The following C14orf39 variants were observed in gnomAD, a reference collection of about 807,000 sequenced individuals.
C14orf39 encodes the protein chromosome 14 open reading frame 39, also known as protein SIX6OS1.
A neutral mutation model predicts 85.6 loss-of-function variants in C14orf39; 66 were observed. The ratio of observed to expected loss-of-function variants is 0.77; its 90% CI spans 0.63 to 0.95. The LOEUF (loss-of-function observed/expected upper bound fraction) is 0.95, where lower values mean the gene tolerates loss of function less well. C14orf39 is among the 40% of genes least tolerant of loss of function. The pLI is 0.00. For missense variants in C14orf39, 735 were observed against 663.9 expected (o/e 1.11, Z -1.18); for synonymous variants, 242 against 214.0 (o/e 1.13, Z -1.14).
chr14:60,465,476 T>C (rs535904010), intron 11 of C14orf39, among the ~76,000 whole-genome samples: 1 of 152,262 alleles, frequency 6.6e-6, no homozygotes, highest in South Asian at 2.1e-4. Flanking sequence ...GAGACAGTCA[T>C]TCCATTGCTG....
chr14:60,460,785 T>A (rs1056875764), intron 13 of C14orf39, among the ~76,000 whole-genome samples: 7 of 151,724 alleles, frequency 4.6e-5, no homozygotes, highest in African/African-American at 1.5e-4. Context: ...CATATATATA[T>A]CCTGTGATCC....
At chr14:60,478,260 C>T in intron 5 of C14orf39, 40 bp downstream of exon 5, 1 of 962,366 alleles carries the variant, frequency 1.0e-6, no homozygotes. Flanking sequence ...CCTAATAATA[C>T]AAACTTATAG....
At chr14:60,506,474 C>T (rs2140185145) in intron 1 of C14orf39, among the ~76,000 whole-genome samples, 1 of 152,314 alleles carries the variant, frequency 6.6e-6, no homozygotes, top group Non-Finnish European at 1.5e-5. Context: ...AGGGTTATTC[C>T]TAAGGAATCC....
At chr14:60,447,768 G>A (rs1279107651) in intron 16 of C14orf39, among the ~76,000 whole-genome samples, 1 of 152,148 alleles carries the variant, frequency 6.6e-6, no homozygotes, top group African/African-American at 2.4e-5. Context: ...AAAGCTGGAG[G>A]CATCACACTA....
chr14:60,461,474 G>C, intron 12 of C14orf39, 34 bp downstream of exon 12: 1 of 1,568,144 alleles, frequency 6.4e-7, no homozygotes, highest in Non-Finnish European at 8.7e-7. Flanking sequence ...AATTATTTCA[G>C]AGATTAAAGC....
rs542005498 is a variant in C14orf39 at position 60,480,382 on chromosome 14, C to T, written c.234-1993G>A. Among the ~76,000 whole-genome samples, 9 of 152,098 alleles carry T rather than the reference C, an allele frequency of 5.9e-5. No homozygotes were observed. The South Asian group carries it at 1.2e-3, about 21-fold the overall frequency. On this transcript the variant is annotated intron_variant, in intron 4 of 17. Coordinates refer to ENST00000321731, the MANE Select transcript of C14orf39 (RefSeq NM_174978.3). ...GGGAGGAGGTCGCAGTGAGTGAGAT[C>T]GCGCCATTGCACTCCAGCCTGGGTG...
chr14:60,509,757 C>T, intron 1 of C14orf39: 1 of 1,613,236 alleles, frequency 6.2e-7, no homozygotes, highest in Non-Finnish European at 8.5e-7. Context: ...AAGAAGTTCC[C>T]GCTGCCGCGC....
At chr14:60,500,195 T>C (rs2208402) in intron 1 of C14orf39, among the ~76,000 whole-genome samples, 26,606 of 151,870 alleles carry the variant, frequency 0.18, 3,033 homozygotes, top group East Asian at 0.54. Flanking sequence ...ACCTGGATAA[T>C]TTTGTATTTT....
intron 9 of C14orf39, among the ~76,000 whole-genome samples, 176 bp from the exon 10 acceptor site, chr14:60,467,220 G>A (rs919011388): frequency 2.6e-5 from 4 of 151,800 alleles, no homozygotes; most frequent in African/African-American, 9.7e-5. Flanking sequence ...TAGTAGTGGT[G>A]TCAGAGCAAA....
intron 1 of C14orf39, among the ~76,000 whole-genome samples, chr14:60,502,425 G>A (rs1304007665): frequency 1.3e-5 from 2 of 151,074 alleles, no homozygotes; most frequent in African/African-American, 4.9e-5. Flanking sequence ...GAGATGAGAG[G>A]GATAGAAAGA....
chr14:60,473,971 T>C (rs1367566729), intron 5 of C14orf39, among the ~76,000 whole-genome samples: 3 of 152,216 alleles, frequency 2.0e-5, no homozygotes, highest in African/African-American at 4.8e-5. Flanking sequence ...GGGGATGGCA[T>C]TGAATCTATA....
At chr14:60,513,357 G>A (rs971330356) in intron 1 of C14orf39, among the ~76,000 whole-genome samples, 1 of 152,188 alleles carries the variant, frequency 6.6e-6, no homozygotes, top group Admixed American at 6.5e-5. Context: ...ATGCTAACGA[G>A]GGGCTGGCGA....
At chr14:60,496,422 T>C (rs1893070837) in intron 2 of C14orf39, 3 of 296,442 alleles carry the variant, frequency 1.0e-5, no homozygotes, top group South Asian at 6.6e-5. Context: ...GCAGTGTCTG[T>C]CTCTAAGTAC....
At chr14:60,437,919 G>A (rs1278034305) in intron 17 of C14orf39, among the ~76,000 whole-genome samples, 3 of 151,328 alleles carry the variant, frequency 2.0e-5, no homozygotes, top group African/African-American at 7.3e-5. Flanking sequence ...GAAAAATACT[G>A]TTTTTCACTT....
chr14:60,508,947 C>CGGTGGTCG, intron 1 of C14orf39: 1 of 185,710 alleles, frequency 5.4e-6, no homozygotes, highest in Non-Finnish European at 1.1e-5. Flanking sequence ...CTCTTTTTCT[C>CGGTGGTCG]CCAGACACTC....
At chr14:60,447,139 C>G (rs1890804195) in intron 16 of C14orf39, among the ~76,000 whole-genome samples, 1 of 152,286 alleles carries the variant, frequency 6.6e-6, no homozygotes, top group African/African-American at 2.4e-5. Context: ...AAAACGGGCA[C>G]AAGACAAGGA....
At chr14:60,491,013 CA>C (rs1892981932), upstream of C14orf39, among the ~76,000 whole-genome samples, 1 of 152,124 alleles carries the variant, frequency 6.6e-6, no homozygotes, top group South Asian at 2.1e-4. This position sits in a 1 kb window ranked among gnomAD's most constrained non-coding sequence, Gnocchi z 4.5. Context: ...ACTTTCCAAA[CA>C]TAAGAATTGG....
chr14:60,510,089 C>T, intron 1 of C14orf39: 1 of 928,766 alleles, frequency 1.1e-6, no homozygotes, highest in Non-Finnish European at 1.7e-6. Flanking sequence ...GGAGCGCGGT[C>T]TGTCTTGGGT....
chr14:60,479,773 C>T (rs1376006197), intron 4 of C14orf39, among the ~76,000 whole-genome samples: 1 of 152,122 alleles, frequency 6.6e-6, no homozygotes, highest in Non-Finnish European at 1.5e-5. Context: ...TTACTGTTAA[C>T]ATCTTCCCAT....
Sources: gnomAD v4.1 joint callset for allele counts (sites outside exome capture counted in the v4.1 genomes callset) on GRCh38, gnomAD v4.1.1 for gene constraint, Gnocchi (gnomAD v3.1) non-coding constraint, MANE v1.5 for transcripts, NCBI Gene and HGNC (gene_info 2026-07-23, HGNC 2026-07-21) for gene names.